KLHL32: variants seen among roughly 807,000 people sequenced by gnomAD.
KLHL32 encodes kelch like family member 32.
KLHL32 carries 35 observed loss-of-function variants against 64.8 expected under a neutral mutation model. The observed-to-expected ratio is 0.54, with a 90% CI of 0.41 to 0.72. The LOEUF is 0.72. Ranked by LOEUF, KLHL32 falls within the 30% of genes least tolerant of loss-of-function variation. KLHL32 has a pLI of 0.00. For missense variants in KLHL32, 589 were observed against 768.5 expected (o/e 0.77, Z 2.76); for synonymous variants, 259 against 281.0 (o/e 0.92, Z 0.78).
intron 1 of KLHL32, among the ~76,000 whole-genome samples, chr6:96,936,082 C>T (rs1770562130): frequency 6.6e-6 from 1 of 152,176 alleles, no homozygotes; most frequent in Non-Finnish European, 1.5e-5. Flanking sequence ...TGTCACTGTA[C>T]TTTTTGTTGG....
At chr6:96,950,312 C>A (rs951647476) in intron 1 of KLHL32, among the ~76,000 whole-genome samples, 7 of 151,858 alleles carry the variant, frequency 4.6e-5, no homozygotes, top group Non-Finnish European at 1.0e-4. Flanking sequence ...GAACATAGCT[C>A]ATTCTAGCAA....
At chr6:97,119,190 G>C (rs933838633) in intron 7 of KLHL32, among the ~76,000 whole-genome samples, 1 of 152,120 alleles carries the variant, frequency 6.6e-6, no homozygotes, top group Non-Finnish European at 1.5e-5. Context: ...TAGCAGGAGG[G>C]CTTGGTATGG....
intron 3 of KLHL32, among the ~76,000 whole-genome samples, chr6:97,032,032 TATTCCC>T (rs1783632253): frequency 6.6e-6 from 1 of 152,232 alleles, no homozygotes; most frequent in Non-Finnish European, 1.5e-5. Context: ...AAGTTGGTAT[TATTCCC>T]ATTTTACAGA....
Position 97,092,723 on chromosome 6 carries a change from C to T in KLHL32, c.627+7382C>T, listed in dbSNP as rs1429527519. Among the ~76,000 whole-genome samples, 3 of 152,248 alleles carry T rather than the reference C, an allele frequency of 2.0e-5. No homozygotes were observed. The South Asian group carries it at 6.2e-4, about 32-fold the overall frequency. On this transcript the variant is annotated intron_variant, in intron 6 of 10. Coordinates refer to ENST00000369261, the MANE Select transcript of KLHL32 (RefSeq NM_052904.4). ...CCTTCTAATCTATATGCGGCTAACTCCTCTGTGAGGGTGCATCCCACAGTA... is the reference window on the plus strand; with the variant it reads ...CCTTCTAATCTATATGCGGCTAACTTCTCTGTGAGGGTGCATCCCACAGTA...
At chr6:97,130,718 TCTC>T in intron 8 of KLHL32, 36 bp from the exon 9 acceptor site, 1 of 1,531,878 alleles carries the variant, frequency 6.5e-7, no homozygotes. Flanking sequence ...GACATGGAGG[TCTC>T]CTACTAACAG....
intron 1 of KLHL32, among the ~76,000 whole-genome samples, chr6:96,934,412 T>C (rs140427414): frequency 7.5e-4 from 114 of 152,314 alleles, no homozygotes; most frequent in African/African-American, 2.6e-3. Flanking sequence ...CCAGGCCATC[T>C]GGATCTGGGC....
the KLHL32 span, among the ~76,000 whole-genome samples, chr6:96,911,430 A>G: frequency 6.6e-6 from 1 of 152,158 alleles, no homozygotes; most frequent in African/African-American, 2.4e-5. Flanking sequence ...GCTCTTTACA[A>G]ACAATAAGCT....
intron 6 of KLHL32, among the ~76,000 whole-genome samples, chr6:97,101,006 C>G (rs1171623226): frequency 1.7e-5 from 2 of 118,442 alleles, no homozygotes; most frequent in Non-Finnish European, 3.4e-5. Context: ...CAGGGCCTCC[C>G]TATGTTGCCC....
At chr6:97,032,424 C>A (rs1783690379) in intron 3 of KLHL32, among the ~76,000 whole-genome samples, 1 of 152,222 alleles carries the variant, frequency 6.6e-6, no homozygotes, top group African/African-American at 2.4e-5. Flanking sequence ...TTCCTCCCAA[C>A]TCTACTAACT....
chr6:97,107,008 T>C (rs1270222095), intron 6 of KLHL32, among the ~76,000 whole-genome samples: 1 of 152,002 alleles, frequency 6.6e-6, no homozygotes, highest in Non-Finnish European at 1.5e-5. Flanking sequence ...AAGTTATTTT[T>C]TGGGCTGAGC....
intron 5 of KLHL32, among the ~76,000 whole-genome samples, chr6:97,082,579 C>G (rs1582964043): frequency 6.6e-6 from 1 of 150,888 alleles, no homozygotes; most frequent in African/African-American, 2.4e-5. Context: ...CACCACTGCA[C>G]TCCAGCCTTG....
At chr6:97,005,483 A>C (rs1354877344) in intron 3 of KLHL32, among the ~76,000 whole-genome samples, 1 of 151,802 alleles carries the variant, frequency 6.6e-6, no homozygotes, top group African/African-American at 2.4e-5. Context: ...ATTTCATTCG[A>C]TTCAGCTCTG....
chr6:96,969,998 C>T (rs746776116), intron 2 of KLHL32, among the ~76,000 whole-genome samples: 1 of 152,128 alleles, frequency 6.6e-6, no homozygotes, highest in Non-Finnish European at 1.5e-5. Flanking sequence ...GTTGTATAAG[C>T]CAGAAATATA....
chr6:97,084,179 T>G (rs1364663645), intron 5 of KLHL32, among the ~76,000 whole-genome samples: 1 of 152,214 alleles, frequency 6.6e-6, no homozygotes, highest in African/African-American at 2.4e-5. Flanking sequence ...CATTATACAT[T>G]CCTCAAGTTA....
At chr6:96,967,166 C>T in intron 2 of KLHL32, 83 bp downstream of exon 2, 2 of 1,264,176 alleles carry the variant, frequency 1.6e-6, no homozygotes, top group Non-Finnish European at 2.3e-6. Flanking sequence ...AAGCACAAAG[C>T]AGGGGCTTAA....
At chr6:96,954,711 G>T (rs1582464865) in intron 1 of KLHL32, among the ~76,000 whole-genome samples, 1 of 152,150 alleles carries the variant, frequency 6.6e-6, no homozygotes. Flanking sequence ...GCATTCCCCA[G>T]TCTAGAGATA....
At chr6:97,085,900 A>G (rs1343575845) in intron 6 of KLHL32, among the ~76,000 whole-genome samples, 1 of 152,184 alleles carries the variant, frequency 6.6e-6, no homozygotes, top group Non-Finnish European at 1.5e-5. Context: ...CTGACATAGC[A>G]TTCTTTTCAC....
At chr6:97,099,378 G>C (rs1027232784) in intron 6 of KLHL32, among the ~76,000 whole-genome samples, 3 of 152,158 alleles carry the variant, frequency 2.0e-5, no homozygotes, top group Non-Finnish European at 2.9e-5. Flanking sequence ...TCTATCTTCA[G>C]GGTTCACCTT....
chr6:96,944,444 T>G (rs947106584), intron 1 of KLHL32, among the ~76,000 whole-genome samples: 1 of 152,214 alleles, frequency 6.6e-6, no homozygotes, highest in African/African-American at 2.4e-5. Context: ...GGGAACAAAT[T>G]AGTTTTATTA....
Sources: allele counts gnomAD v4.1 joint callset (sites outside exome capture counted in the v4.1 genomes callset), GRCh38; gene constraint gnomAD v4.1.1; transcripts MANE v1.5; gene names NCBI Gene and HGNC (gene_info 2026-07-23, HGNC 2026-07-21).